The following SKAP1 variants were observed in gnomAD, a reference collection of about 807,000 sequenced individuals.
SKAP1 encodes src kinase-associated phosphoprotein 1.
A neutral mutation model predicts 58.5 loss-of-function variants in SKAP1; 44 were observed. That is an observed-to-expected ratio of 0.75 (90% CI 0.59 to 0.97). SKAP1 has a LOEUF of 0.97. Among genes scored for constraint, SKAP1 ranks in the 50% least tolerant of loss-of-function variants. The pLI is 0.00. For synonymous variants in SKAP1, 127 were observed against 149.7 expected, an observed-to-expected ratio of 0.85 and a Z score of 1.11; for missense variants, 390 against 435.2, an observed-to-expected ratio of 0.90 and a Z score of 0.92.
chr17:48,224,087 A>AGGGGG (rs1302247897), intron 4 of SKAP1, among the ~76,000 whole-genome samples: 1 of 74,546 alleles, frequency 1.3e-5, no homozygotes, highest in African/African-American at 5.4e-5. Context: ...GAGGAGGAGG[A>AGGGGG]AGAGGAGGAG....
intron 4 of SKAP1, among the ~76,000 whole-genome samples, chr17:48,276,801 A>C (rs550456970): frequency 6.6e-6 from 1 of 152,146 alleles, no homozygotes; most frequent in African/African-American, 2.4e-5. Context: ...AAGCAATTCA[A>C]TTTTGCTTAA....
chr17:48,411,378 G>T (rs1198266703), intron 1 of SKAP1, among the ~76,000 whole-genome samples: 1 of 149,352 alleles, frequency 6.7e-6, no homozygotes, highest in Non-Finnish European at 1.5e-5. Flanking sequence ...CAGCCTGGGT[G>T]GTAGAGCCAG....
chr17:48,309,345 A>T (rs1017560991), intron 4 of SKAP1, among the ~76,000 whole-genome samples: 2 of 152,124 alleles, frequency 1.3e-5, no homozygotes, highest in Non-Finnish European at 2.9e-5. Context: ...CCTCTTGTTA[A>T]ACTTAGAACG....
At chr17:48,290,703 TG>T (rs1456543704) in intron 4 of SKAP1, among the ~76,000 whole-genome samples, 2 of 152,178 alleles carry the variant, frequency 1.3e-5, no homozygotes, top group Non-Finnish European at 1.5e-5. Flanking sequence ...ATATCTCCAG[TG>T]CCTAGAACAG....
chr17:48,386,223 TA>T (rs1395151309), intron 2 of SKAP1, among the ~76,000 whole-genome samples: 2 of 151,220 alleles, frequency 1.3e-5, no homozygotes, highest in East Asian at 3.9e-4. Flanking sequence ...GTCTAGGACC[TA>T]AAAATACATT....
At chr17:48,214,429 G>A (rs2143691447) in intron 4 of SKAP1, among the ~76,000 whole-genome samples, 1 of 152,182 alleles carries the variant, frequency 6.6e-6, no homozygotes, top group Admixed American at 6.5e-5. Context: ...ATTAGCTTCT[G>A]ATTGTTTCTT....
intron 4 of SKAP1, among the ~76,000 whole-genome samples, chr17:48,328,377 T>G (rs904268485): frequency 6.6e-6 from 1 of 152,186 alleles, no homozygotes; most frequent in African/African-American, 2.4e-5. Context: ...TGACACTGAC[T>G]TGAAACAAGA....
intron 4 of SKAP1, among the ~76,000 whole-genome samples, chr17:48,232,304 C>T (rs1231485702): frequency 4.6e-5 from 7 of 152,184 alleles, no homozygotes; most frequent in African/African-American, 1.7e-4. Flanking sequence ...CTGATAGTCT[C>T]GTGTTCTATA....
At chr17:48,224,814 A>G (rs1399416260) in intron 4 of SKAP1, among the ~76,000 whole-genome samples, 4 of 152,072 alleles carry the variant, frequency 2.6e-5, no homozygotes, top group Non-Finnish European at 2.9e-5. Context: ...GGGAGGGGAG[A>G]TGGGTGTGCT....
chr17:48,311,317 A>T (rs1196491336), intron 4 of SKAP1, among the ~76,000 whole-genome samples: 1 of 152,166 alleles, frequency 6.6e-6, no homozygotes, highest in African/African-American at 2.4e-5. Context: ...CAAAGAATGA[A>T]CTTTGAACTG....
chr17:48,304,360 T>C lies in SKAP1; in HGVS notation c.280+41545A>G, dbSNP rs186100581. Among the ~76,000 whole-genome samples the C allele has an allele frequency of 4.1e-4, 62 of 152,300 alleles. 1 individual carries two copies. Among genetic ancestry groups the C allele is most frequent in the South Asian group, 1.4e-3 (7 of 4,830 alleles). ...TTCCTTTGAAAGTTACAATAATAGC[T>C]GGAAGAACAGAAAGCAATGTAGATA... On this transcript the variant is annotated intron_variant, in intron 4 of 12. Transcript: ENST00000336915.
chr17:48,400,748 A>C (rs2067489761), intron 1 of SKAP1, among the ~76,000 whole-genome samples: 1 of 151,330 alleles, frequency 6.6e-6, no homozygotes, highest in African/African-American at 2.5e-5. Context: ...ACCTTATCTC[A>C]AAAATAAAAA....
chr17:48,301,954 A>T (rs577539983), intron 4 of SKAP1, among the ~76,000 whole-genome samples: 12 of 152,332 alleles, frequency 7.9e-5, no homozygotes, highest in South Asian at 6.2e-4. Flanking sequence ...CAAAATTTTT[A>T]AAAAATTATC....
chr17:48,233,166 G>A (rs1442829825), intron 4 of SKAP1, among the ~76,000 whole-genome samples: 2 of 152,162 alleles, frequency 1.3e-5, no homozygotes, highest in African/African-American at 4.8e-5. Context: ...TCTCCAATAG[G>A]AACTCTGTGG....
intron 4 of SKAP1, among the ~76,000 whole-genome samples, chr17:48,189,804 A>G (rs1383455140): frequency 4.0e-5 from 6 of 151,604 alleles, no homozygotes; most frequent in African/African-American, 1.2e-4. Flanking sequence ...CCTCCCAGGT[A>G]GCTGAGACTA....
At chr17:48,307,438 A>G (rs1480146163) in intron 4 of SKAP1, 2 of 152,330 alleles carry the variant, frequency 1.3e-5, no homozygotes, top group Non-Finnish European at 2.9e-5. Flanking sequence ...CAGAGTTCAG[A>G]CAGGTCAACG....
At chr17:48,428,980 A>G (rs754910969) in intron 1 of SKAP1, among the ~76,000 whole-genome samples, 1 of 152,264 alleles carries the variant, frequency 6.6e-6, no homozygotes, top group Non-Finnish European at 1.5e-5. Context: ...TGCTACAGAC[A>G]GAGACCAAAA....
At chr17:48,162,402 T>G (rs1348370635) in intron 11 of SKAP1, 67 bp downstream of exon 11, 1 of 1,047,802 alleles carries the variant, frequency 9.5e-7, no homozygotes, top group African/African-American at 1.6e-5. Context: ...ATAATTCTGT[T>G]TATGGTGACT....
At chr17:48,373,522 AT>A (rs937749457) in intron 2 of SKAP1, among the ~76,000 whole-genome samples, 1 of 152,228 alleles carries the variant, frequency 6.6e-6, no homozygotes, top group Non-Finnish European at 1.5e-5. Flanking sequence ...ATAAAAAAAA[AT>A]AAATCTGGTA....
Sources: gnomAD v4.1 joint callset for allele counts (sites outside exome capture counted in the v4.1 genomes callset) on GRCh38, gnomAD v4.1.1 for gene constraint, MANE v1.5 for transcripts, NCBI Gene and HGNC (gene_info 2026-07-23, HGNC 2026-07-21) for gene names.